SPRYD4: variants seen among roughly 807,000 people sequenced by gnomAD.
SPRYD4 encodes the protein SPRY domain containing 4, also known as SPRY domain-containing protein 4.
SPRYD4 carries 12 observed loss-of-function variants against 16.6 expected under a neutral mutation model. The observed-to-expected ratio is 0.72, with a 90% CI of 0.46 to 1.17. The LOEUF is 1.17. SPRYD4 is among the 50% of genes most tolerant of loss of function. SPRYD4 has a pLI of 0.00. For missense variants in SPRYD4, 260 were observed against 260.2 expected (o/e 1.00, Z 0.00); for synonymous variants, 98 against 105.4 (o/e 0.93, Z 0.43).
Position 56,474,931 on chromosome 12 carries a change from G to A in SPRYD4, c.*5354G>A, listed in dbSNP as rs751632176. 5.6e-6 allele frequency: 9 copies of A among 1,613,972 alleles called. No individual in the cohort carries two copies. The South Asian group carries it at 6.6e-5, about 12-fold the overall frequency. On this transcript the variant is annotated 3_prime_UTR_variant, in exon 2 of 2. Transcript: ENST00000338146. ...AGAGAGGGGAGAGCATTTCTCTTCA[G>A]GACATCAGCCCTTTCACACTGTCAG...
Position 56,475,275 on chromosome 12 carries a change from A to T in SPRYD4, c.*5698A>T, listed in dbSNP as rs1422753679. On this transcript the variant is annotated 3_prime_UTR_variant, in exon 2 of 2. Transcript: ENST00000338146. Reference sequence around the variant, plus strand: ...TTAGAGGAAATTTCTGAACCTGAGCAAACACTCAGCATAGTTTTGTTATAA... The same window carrying T: ...TTAGAGGAAATTTCTGAACCTGAGCTAACACTCAGCATAGTTTTGTTATAA... 3 of 1,516,678 alleles carry T rather than the reference A, an allele frequency of 2.0e-6. No homozygotes were observed. The African/African-American group carries it at 4.1e-5, about 21-fold the overall frequency. The allele number at this position is 1,516,678 out of a possible 1,614,324, so 94.0% of individuals were successfully genotyped here.
In SPRYD4 at chr12:56,471,134, G is replaced by A. The variant is rs1869224218; in HGVS notation, c.*1557G>A. On this transcript the variant is annotated 3_prime_UTR_variant, in exon 2 of 2. Coordinates refer to ENST00000338146, the MANE Select transcript of SPRYD4 (RefSeq NM_207344.4). ...GATATGTACATGTGCATGGTAGCTA[G>A]AGTCCCTCCACCAGAGTATCTCTCT... is the stretch of plus-strand genomic sequence containing the variant. 5 of 408,704 alleles carry A rather than the reference G, an allele frequency of 1.2e-5. No homozygotes were observed. Among genetic ancestry groups the A allele is most frequent in the Non-Finnish European group, 2.2e-5 (5 of 232,248 alleles). 25.3% of individuals were successfully genotyped at this position (408,704 alleles called of 1,614,324 possible).
chr12:56,478,443 CTT>C lies in SPRYD4; in HGVS notation c.*8868_*8869del. On this transcript the variant is annotated 3_prime_UTR_variant, in exon 2 of 2. Transcript: ENST00000338146. ...AGCCTTAAGTCCTAGAAGGCCATAT[CTT>C]TGTGTATCCGCAATCCTGTAGAGAT... The C allele has an allele frequency of 1.6e-6, 1 of 615,308 alleles. No individual in the cohort carries two copies. The highest frequency in any genetic ancestry group is 2.8e-5 in the East Asian group (1 of 35,778). 38.1% of individuals were successfully genotyped at this position (615,308 alleles called of 1,614,324 possible).
chr12:56,478,222 T>A lies in SPRYD4; in HGVS notation c.*8645T>A. 1 of 1,614,184 alleles carries A rather than the reference T, an allele frequency of 6.2e-7. No individual in the cohort carries two copies. Among genetic ancestry groups the A allele is most frequent in the African/African-American group, 1.3e-5 (1 of 75,032 alleles). On this transcript the variant is annotated 3_prime_UTR_variant, in exon 2 of 2. Coordinates refer to ENST00000338146, the MANE Select transcript of SPRYD4 (RefSeq NM_207344.4). The stretch of plus-strand genomic sequence containing the variant: ...AGTGCACAGGGAGACACCCCACAGG[T>A]CTGGGTTTGACTTGGCCAGCTGAGG...
In SPRYD4 at chr12:56,478,947, G is replaced by C. The variant is rs1870060248; in HGVS notation, c.*9370G>C. The stretch of plus-strand genomic sequence containing the variant: ...TGCAGTGAGCTGAGATTGCACCATT[G>C]CACTCCAGCCCGGGTGACAGAGCAA... On this transcript the variant is annotated 3_prime_UTR_variant, in exon 2 of 2. Coordinates refer to ENST00000338146, the MANE Select transcript of SPRYD4 (RefSeq NM_207344.4). 3.5e-6 allele frequency: 5 copies of C among 1,414,384 alleles called. No homozygotes were observed. The highest frequency in any genetic ancestry group is 4.7e-6 in the Non-Finnish European group (5 of 1,055,388). 87.6% of individuals were successfully genotyped at this position (1,414,384 alleles called of 1,614,324 possible). A position where few individuals can be genotyped will look rare whatever the true frequency, so the allele number is the denominator to read the frequency against.
chr12:56,469,528 A>T lies in SPRYD4; in HGVS notation c.575A>T (p.Asp192Val), dbSNP rs772092798. The stretch of plus-strand genomic sequence containing the variant: ...GTGGTGCCTGCCTTTGCTCTCTGGG[A>T]TGGGGAGCTGCTGACCCATTCAGGG... ...GPVVPAFALW[D>V]GELLTHSGLE... Residue 192 changes from aspartate to valine, a missense_variant, in exon 2 of 2, where the codon GAT becomes GTT. Asp to Val is a radical substitution (Grantham distance 152). Coordinates refer to ENST00000338146, the MANE Select transcript of SPRYD4 (RefSeq NM_207344.4). The T allele has an allele frequency of 1.9e-6, 3 of 1,613,964 alleles. No individual in the cohort carries two copies. The highest frequency in any genetic ancestry group is 1.3e-5 in the African/African-American group (1 of 74,960).
Position 56,474,284 on chromosome 12 carries a change from T to G in SPRYD4, c.*4707T>G, listed in dbSNP as rs1410186085. The stretch of plus-strand genomic sequence containing the variant: ...TTTTGTATTTAGTAGAGATGGGGTT[T>G]CACCATGTAGGTCAGGCTGGTCTCG... On this transcript the variant is annotated 3_prime_UTR_variant, in exon 2 of 2. Transcript: ENST00000338146. 2.2e-6 allele frequency: 1 copy of G among 448,070 alleles called. No homozygotes were observed. The highest frequency in any genetic ancestry group is 4.1e-6 in the Non-Finnish European group (1 of 243,358). The allele number at this position is 448,070 out of a possible 1,614,324, so 27.8% of individuals were successfully genotyped here. A position where few individuals can be genotyped will look rare whatever the true frequency, so the allele number is the denominator to read the frequency against.
At position 56,477,846 on chromosome 12, in the gene SPRYD4, C is replaced by G; in HGVS notation, c.*8269C>G. 6.5e-7 allele frequency: 1 copy of G among 1,549,124 alleles called. No homozygotes were observed. The highest frequency in any genetic ancestry group is 1.2e-5 in the South Asian group (1 of 82,654). On this transcript the variant is annotated 3_prime_UTR_variant, in exon 2 of 2. Transcript: ENST00000338146. ...GCATGACAGGGCTAATCAGGAAGGG[C>G]AGAGAAACAAAAAAGGCTGGGAGAT...
At chr12:56,468,748 G>T in intron 1 of SPRYD4, 72 bp downstream of exon 1, 1 of 1,507,282 alleles carries the variant, frequency 6.6e-7, no homozygotes. Flanking sequence ...CCCACTCCGA[G>T]AAGCAACTCC....
In SPRYD4 at chr12:56,471,368, A is replaced by C; in HGVS notation, c.*1791A>C. The C allele has an allele frequency of 9.0e-7, 1 of 1,114,790 alleles. No homozygotes were observed. 69.1% of individuals were successfully genotyped at this position (1,114,790 alleles called of 1,614,324 possible). On this transcript the variant is annotated 3_prime_UTR_variant, in exon 2 of 2. Transcript: ENST00000338146. The stretch of plus-strand genomic sequence containing the variant: ...TAGAAAGCACTAGCCTAAGTCACCA[A>C]ATGACTGCTTGGTCCCCACTGAAGC...
chr12:56,468,825 T>C, intron 1 of SPRYD4, 149 bp downstream of exon 1: 2 of 1,054,426 alleles, frequency 1.9e-6, no homozygotes, highest in Non-Finnish European at 2.7e-6. Context: ...TGATACCATT[T>C]GGTTTCTTTA....
rs1869099663 is a variant in SPRYD4, at chr12:56,468,631, T to C, written c.40T>C (p.Trp14Arg). The C allele has an allele frequency of 4.3e-6, 7 of 1,614,058 alleles. No individual in the cohort carries two copies. In the African/African-American group the frequency reaches 5.3e-5, roughly 12 times the overall value. Residue 14 changes from tryptophan (W) to arginine (R), a missense_variant, in exon 1 of 2, where the codon TGG becomes CGG. Trp to Arg is a moderately radical substitution (Grantham distance 101). Transcript: ENST00000338146. The stretch of plus-strand genomic sequence containing the variant: ...TGCACGTTCTTTGCGCTTGTGCCGC[T>C]GGGGAGCCAAACGATTGGGAGTTGC... ...LFARSLRLCR[W>R]GAKRLGVAST...
chr12:56,471,134 G>C lies in SPRYD4; in HGVS notation c.*1557G>C. The C allele has an allele frequency of 2.4e-6, 1 of 408,822 alleles. No individual in the cohort carries two copies. The allele number at this position is 408,822 out of a possible 1,614,324, so 25.3% of individuals were successfully genotyped here. ...GATATGTACATGTGCATGGTAGCTA[G>C]AGTCCCTCCACCAGAGTATCTCTCT... On this transcript the variant is annotated 3_prime_UTR_variant, in exon 2 of 2. Coordinates refer to ENST00000338146, the MANE Select transcript of SPRYD4 (RefSeq NM_207344.4).
chr12:56,469,622 CT>C lies in SPRYD4; in HGVS notation c.*49del. ...CCTAATCACGCCTTTGGCCAGCCTC[CT>C]TTTGAAAGTGTCCGAAGCCTTTTTA... On this transcript the variant is annotated 3_prime_UTR_variant, in exon 2 of 2. Coordinates refer to ENST00000338146, the MANE Select transcript of SPRYD4 (RefSeq NM_207344.4). 1.3e-6 allele frequency: 2 copies of C among 1,552,134 alleles called. No homozygotes were observed. Among genetic ancestry groups the C allele is most frequent in the Non-Finnish European group, 1.7e-6 (2 of 1,148,810 alleles).
In SPRYD4 at chr12:56,476,109, C is replaced by T; in HGVS notation, c.*6532C>T. 1.3e-6 allele frequency: 1 copy of T among 785,576 alleles called. No individual in the cohort carries two copies. The highest frequency in any genetic ancestry group is 2.1e-6 in the Non-Finnish European group (1 of 475,390). 48.7% of individuals were successfully genotyped at this position (785,576 alleles called of 1,614,324 possible). On this transcript the variant is annotated 3_prime_UTR_variant, in exon 2 of 2. Coordinates refer to ENST00000338146, the MANE Select transcript of SPRYD4 (RefSeq NM_207344.4). Reference sequence around the variant, plus strand: ...CAAATGTGTTCAATTTTATAATGGCCCTTTTTTTATCCTTCTGAAAACACC... The same window carrying T: ...CAAATGTGTTCAATTTTATAATGGCTCTTTTTTTATCCTTCTGAAAACACC...
rs1869715874 is a variant in SPRYD4 at position 56,475,425 on chromosome 12, G to T, written c.*5848G>T. On this transcript the variant is annotated 3_prime_UTR_variant, in exon 2 of 2. Transcript: ENST00000338146. ...ACCATCACACTGCCTCTCTCATTAT[G>T]TACTAATTAGAAATGGAACAAATTA... The T allele has an allele frequency of 2.8e-6, 2 of 702,114 alleles. No homozygotes were observed. Among genetic ancestry groups the T allele is most frequent in the African/African-American group, 1.8e-5 (1 of 55,670 alleles). The allele number at this position is 702,114 out of a possible 1,614,324, so 43.5% of individuals were successfully genotyped here.
At position 56,479,234 on chromosome 12, in the gene SPRYD4, CA is replaced by C; in HGVS notation, c.*9658del. 3 of 1,592,260 alleles carry C rather than the reference CA, an allele frequency of 1.9e-6. No homozygotes were observed. The highest frequency in any genetic ancestry group is 1.8e-4 in the Middle Eastern group (1 of 5,554). On this transcript the variant is annotated 3_prime_UTR_variant, in exon 2 of 2. Transcript: ENST00000338146. ...GGGCTAGAGAAATGCAGCTGGGACTCACTCTGGAGCCACGGAAATTGGGAAT... is the reference window on the plus strand; with the variant it reads ...GGGCTAGAGAAATGCAGCTGGGACTCCTCTGGAGCCACGGAAATTGGGAAT...
Position 56,471,932 on chromosome 12 carries a change from GA to G in SPRYD4, c.*2359del. ...TGAAGTCTTTACCAAGAGGGGAGGG[GA>G]AAAGGCCTCTTCCCATTTTGTACCC... On this transcript the variant is annotated 3_prime_UTR_variant, in exon 2 of 2. Coordinates refer to ENST00000338146, the MANE Select transcript of SPRYD4 (RefSeq NM_207344.4). The G allele has an allele frequency of 2.2e-6, 3 of 1,379,302 alleles. No individual in the cohort carries two copies. Among genetic ancestry groups the G allele is most frequent in the Non-Finnish European group, 3.1e-6 (3 of 970,212 alleles). The allele number at this position is 1,379,302 out of a possible 1,614,324, so 85.4% of individuals were successfully genotyped here.
At position 56,472,523 on chromosome 12, in the gene SPRYD4, A is replaced by C; in HGVS notation, c.*2946A>C. 1.6e-6 allele frequency: 1 copy of C among 639,574 alleles called. No individual in the cohort carries two copies. The highest frequency in any genetic ancestry group is 2.8e-5 in the East Asian group (1 of 36,108). 39.6% of individuals were successfully genotyped at this position (639,574 alleles called of 1,614,324 possible). On this transcript the variant is annotated 3_prime_UTR_variant, in exon 2 of 2. Coordinates refer to ENST00000338146, the MANE Select transcript of SPRYD4 (RefSeq NM_207344.4). ...TTAATTATCATAGAGCAGACAGTTT[A>C]CTTTTTTTAAAAAAAATCTCCTTTT...
Sources: allele counts gnomAD v4.1 joint callset, GRCh38; gene constraint gnomAD v4.1.1; transcripts MANE v1.5; gene names NCBI Gene and HGNC (gene_info 2026-07-23, HGNC 2026-07-21).